Variants in ZNF10 observed in about 807,000 individuals in gnomAD.
The protein encoded by ZNF10 is zinc finger protein 10 (KOX 1).
A neutral mutation model predicts 12.2 loss-of-function variants in ZNF10; 8 were observed. The observed-to-expected ratio is 0.66, with a 90% CI of 0.39 to 1.18. The LOEUF (loss-of-function observed/expected upper bound fraction) is 1.18, where lower values mean the gene tolerates loss of function less well. ZNF10 is among the 50% of genes most tolerant of loss of function. The pLI, the probability that ZNF10 is intolerant of heterozygous loss-of-function variation, is 0.01. For missense variants in ZNF10, 603 were observed against 678.9 expected, an observed-to-expected ratio of 0.89 and a Z score of 1.24; for synonymous variants, 229 against 228.2, an observed-to-expected ratio of 1.00 and a Z score of -0.03.
chr12:133,135,993 A>G (rs1405941237), intron 1 of ZNF10, among the ~76,000 whole-genome samples: 2 of 152,212 alleles, frequency 1.3e-5, no homozygotes, highest in African/African-American at 2.4e-5. Flanking sequence ...ACTGTCCTCA[A>G]TGATCATGGC....
At chr12:133,132,354 C>T (rs1200940203) in intron 1 of ZNF10, among the ~76,000 whole-genome samples, 1 of 149,914 alleles carries the variant, frequency 6.7e-6, no homozygotes, top group Non-Finnish European at 1.5e-5. Context: ...ACTGCAACCT[C>T]TGCCTCCTGG....
chr12:133,154,465 C>T (rs142356756), intron 4 of ZNF10, among the ~76,000 whole-genome samples: 118 of 152,224 alleles, frequency 7.8e-4, no homozygotes, highest in African/African-American at 2.8e-3. Flanking sequence ...ATTGCTTTGA[C>T]CATAAATGTG....
rs757114165 is a variant in ZNF10, at chr12:133,157,500, G to A, written c.*532G>A. The stretch of plus-strand genomic sequence containing the variant: ...TAACAGCAAGAAAAATGCTTATAAT[G>A]TAGTACAATTAAAAACAACACATCT... On this transcript the variant is annotated 3_prime_UTR_variant, in exon 5 of 5. Coordinates refer to ENST00000248211, the MANE Select transcript of ZNF10 (RefSeq NM_015394.5). 2.0e-5 allele frequency: 3 copies of A among 152,144 alleles called. No individual in the cohort carries two copies. Among genetic ancestry groups the A allele is most frequent in the African/African-American group, 4.8e-5 (2 of 41,416 alleles). 9.4% of individuals were successfully genotyped at this position (152,144 alleles called of 1,614,324 possible). A position where few individuals can be genotyped will look rare whatever the true frequency, so the allele number is the denominator to read the frequency against.
chr12:133,154,848 G>A (rs766588213), intron 4 of ZNF10, among the ~76,000 whole-genome samples: 2 of 152,144 alleles, frequency 1.3e-5, no homozygotes, highest in Admixed American at 6.5e-5. Flanking sequence ...AGGCTAAGGC[G>A]GGTGGATCAC....
chr12:133,144,591 G>C, intron 2 of ZNF10, 66 bp downstream of exon 2: 5 of 1,483,806 alleles, frequency 3.4e-6, no homozygotes, highest in Non-Finnish European at 4.7e-6. Flanking sequence ...CTTTGCCAAA[G>C]ATCTTCAGAA....
chr12:133,144,831 A>G, intron 2 of ZNF10: 1 of 488,300 alleles, frequency 2.0e-6, no homozygotes, highest in Non-Finnish European at 4.0e-6. Context: ...CAAGAAAAAG[A>G]TCAACTCATG....
intron 2 of ZNF10, among the ~76,000 whole-genome samples, chr12:133,147,394 C>T (rs12316356): frequency 0.22 from 33,541 of 152,044 alleles, 4,459 homozygotes; most frequent in Non-Finnish European, 0.3. Context: ...GCAGTTATTC[C>T]GCATCCTCAC....
intron 2 of ZNF10, among the ~76,000 whole-genome samples, chr12:133,148,419 C>G (rs551548958): frequency 4.6e-5 from 7 of 152,196 alleles, no homozygotes; most frequent in Non-Finnish European, 7.3e-5. Context: ...CCATGCCTGA[C>G]CTATCAATTT....
At chr12:133,150,291 A>G (rs1955999661) in intron 2 of ZNF10, among the ~76,000 whole-genome samples, 1 of 152,212 alleles carries the variant, frequency 6.6e-6, no homozygotes, top group African/African-American at 2.4e-5. Flanking sequence ...TTCATTTGAG[A>G]ATATCTTAAT....
At chr12:133,145,518 A>G (rs1267527398) in intron 2 of ZNF10, among the ~76,000 whole-genome samples, 1 of 152,164 alleles carries the variant, frequency 6.6e-6, no homozygotes, top group East Asian at 1.9e-4. Flanking sequence ...TCCAAAATTT[A>G]AGGTATATAG....
intron 1 of ZNF10, among the ~76,000 whole-genome samples, chr12:133,141,759 G>A (rs980187035): frequency 6.6e-6 from 1 of 152,102 alleles, no homozygotes; most frequent in Non-Finnish European, 1.5e-5. Context: ...GAGTAAAGGA[G>A]AGATGGAGAA....
At chr12:133,147,247 A>G (rs1173809914) in intron 2 of ZNF10, among the ~76,000 whole-genome samples, 4 of 152,228 alleles carry the variant, frequency 2.6e-5, no homozygotes, top group East Asian at 1.9e-4. Context: ...TTGTGTGGAC[A>G]TAAATTTTCA....
At chr12:133,155,103 T>C (rs1311212587) in intron 4 of ZNF10, among the ~76,000 whole-genome samples, 1 of 151,782 alleles carries the variant, frequency 6.6e-6, no homozygotes, top group East Asian at 1.9e-4. Flanking sequence ...GAGAGAATAC[T>C]AAATTGATAG....
intron 1 of ZNF10, 24 bp from the exon 2 acceptor site, chr12:133,144,410 C>T: frequency 1.3e-6 from 2 of 1,483,092 alleles, no homozygotes; most frequent in Non-Finnish European, 1.9e-6. Flanking sequence ...GCAAACTTAA[C>T]TTATGTTTCT....
At chr12:133,140,166 G>A (rs1204727733) in intron 1 of ZNF10, among the ~76,000 whole-genome samples, 1 of 130,800 alleles carries the variant, frequency 7.6e-6, no homozygotes, top group Admixed American at 9.5e-5. Context: ...TCGTGCCACT[G>A]TACTCCAGCC....
Position 133,155,855 on chromosome 12 carries a change from T to C in ZNF10, c.609T>C (p.Gly203=). Residue 203 remains glycine, a synonymous_variant, in exon 5 of 5, where the codon GGT becomes GGC. Coordinates refer to ENST00000248211, the MANE Select transcript of ZNF10 (RefSeq NM_015394.5). The part of the protein sequence containing the change: ...KSLKHDLVLN[G]HQDSCASNSN... ...TAAAACATGATTTAGTTCTTAATGG[T>C]CATCAGGACAGTTGTGCAAGTAACA... The C allele has an allele frequency of 6.2e-7, 1 of 1,613,340 alleles. No homozygotes were observed. Among genetic ancestry groups the C allele is most frequent in the Non-Finnish European group, 8.5e-7 (1 of 1,179,724 alleles).
rs1446038504 is a variant in ZNF10 at position 133,156,510 on chromosome 12, G to T, written c.1264G>T (p.Val422Leu). 6.2e-7 allele frequency: 1 copy of T among 1,614,044 alleles called. No individual in the cohort carries two copies. ...TTACAGCCAGAGATCTCACCTTGTT[G>T]TGCATCATAGAATTCACACTGGACT... ...KSYSQRSHLV[V>L]HHRIHTGLKP... Residue 422 changes from valine (V) to leucine (L), a missense_variant, in exon 5 of 5, where the codon GTG becomes TTG. By Grantham distance (32) the Val-to-Leu change is conservative (BLOSUM62 1). Coordinates refer to ENST00000248211, the MANE Select transcript of ZNF10 (RefSeq NM_015394.5).
In ZNF10 at chr12:133,156,534, C is replaced by G; in HGVS notation, c.1288C>G (p.Leu430Val). 6.2e-7 allele frequency: 1 copy of G among 1,613,910 alleles called. No individual in the cohort carries two copies. Among genetic ancestry groups the G allele is most frequent in the Non-Finnish European group, 8.5e-7 (1 of 1,179,906 alleles). The change falls in exon 5 of 5, where the codon CTA (leucine) becomes GTA (valine). Residue 430 changes from leucine to valine, a missense_variant. Leu to Val is a conservative substitution (Grantham distance 32). This residue lies in a region of ZNF10 where 204 missense variants were observed against 262.8 expected (regional missense o/e 0.78). Transcript: ENST00000248211. Reference sequence around the variant, plus strand: ...TGTGCATCATAGAATTCACACTGGACTAAAACCTTTTGAGTGTAAGGATTG... The same window carrying G: ...TGTGCATCATAGAATTCACACTGGAGTAAAACCTTTTGAGTGTAAGGATTG... The part of the protein sequence containing the change: ...LVVHHRIHTG[L>V]KPFECKDCGK...
At chr12:133,135,934 T>C (rs978428645) in intron 1 of ZNF10, among the ~76,000 whole-genome samples, 7 of 152,240 alleles carry the variant, frequency 4.6e-5, no homozygotes, top group Non-Finnish European at 1.0e-4. Context: ...AGCTTATCTT[T>C]TGTCAGCAGC....
Sources: gnomAD v4.1 joint callset for allele counts (sites outside exome capture counted in the v4.1 genomes callset) on GRCh38, gnomAD v4.1.1 for gene constraint, gnomAD v4.1.1 regional missense constraint, MANE v1.5 for transcripts, NCBI Gene and HGNC (gene_info 2026-07-23, HGNC 2026-07-21) for gene names.